INTS9: variants seen among roughly 807,000 people sequenced by gnomAD.
The protein encoded by INTS9 is integrator complex subunit 9, also known as protein related to CPSF subunits of 74 kDa.
In INTS9, 55 loss-of-function variants were observed where a neutral mutation model predicts 79.7. The ratio of observed to expected loss-of-function variants is 0.69; its 90% CI spans 0.56 to 0.86. INTS9 has a LOEUF of 0.86. Ranked by LOEUF, INTS9 falls within the 40% of genes least tolerant of loss-of-function variation. The probability of loss-of-function intolerance (pLI) is 0.00; values close to 1 mark genes in which losing one functional copy is unlikely to be tolerated. For synonymous variants in INTS9, 319 were observed against 325.2 expected (o/e 0.98, Z 0.20); for missense variants, 721 against 831.5 (o/e 0.87, Z 1.64).
intron 6 of INTS9, among the ~76,000 whole-genome samples, chr8:28,829,017 C>T (rs1806319717): frequency 6.6e-6 from 1 of 152,214 alleles, no homozygotes; most frequent in Non-Finnish European, 1.5e-5. Context: ...GGTATGAAGC[C>T]ACATTTTAAG....
At chr8:28,816,827 C>T (rs1456450230) in intron 6 of INTS9, among the ~76,000 whole-genome samples, 1 of 151,854 alleles carries the variant, frequency 6.6e-6, no homozygotes, top group Admixed American at 6.6e-5. Flanking sequence ...TGTTTCCTGA[C>T]TTTTTAATGA....
chr8:28,880,501 T>A (rs950435309), intron 1 of INTS9, among the ~76,000 whole-genome samples: 16 of 151,878 alleles, frequency 1.1e-4, no homozygotes, highest in South Asian at 2.1e-4. Context: ...CCGCGAGTGA[T>A]CCGCCAGCCT....
intron 8 of INTS9, among the ~76,000 whole-genome samples, chr8:28,804,861 TGAA>T (rs1242900776): frequency 3.9e-5 from 6 of 152,130 alleles, no homozygotes; most frequent in Non-Finnish European, 8.8e-5. Context: ...GTTGTGGAAA[TGAA>T]GAGTTCAATA....
intron 11 of INTS9, among the ~76,000 whole-genome samples, chr8:28,785,514 T>G (rs1010674997): frequency 1.3e-5 from 2 of 152,218 alleles, no homozygotes; most frequent in African/African-American, 4.8e-5. Context: ...TATTCATTAC[T>G]AGCATTATTT....
At chr8:28,877,554 A>G (rs971480809) in intron 1 of INTS9, among the ~76,000 whole-genome samples, 1 of 152,170 alleles carries the variant, frequency 6.6e-6, no homozygotes, top group Non-Finnish European at 1.5e-5. Flanking sequence ...ACCAGTAGAA[A>G]TGTATGCTAC....
At chr8:28,778,360 A>G (rs1277705729) in intron 12 of INTS9, among the ~76,000 whole-genome samples, 1 of 152,258 alleles carries the variant, frequency 6.6e-6, no homozygotes, top group Non-Finnish European at 1.5e-5. Flanking sequence ...GGAGAACAGA[A>G]TATGTATATA....
chr8:28,810,631 T>A (rs1350011933), intron 8 of INTS9, among the ~76,000 whole-genome samples: 1 of 152,066 alleles, frequency 6.6e-6, no homozygotes, highest in Non-Finnish European at 1.5e-5. Flanking sequence ...CGTAAATAGA[T>A]GTAGATAAAC....
intron 4 of INTS9, among the ~76,000 whole-genome samples, chr8:28,842,613 T>C (rs1472601759): frequency 6.6e-6 from 1 of 152,178 alleles, no homozygotes; most frequent in African/African-American, 2.4e-5. Flanking sequence ...TCTGGTGTGT[T>C]AATAGGCTCC....
In INTS9 at chr8:28,775,896, T is replaced by C; in HGVS notation, c.1426A>G (p.Thr476Ala). Residue 476 changes from threonine to alanine, a missense_variant, in exon 14 of 17, where the codon ACT becomes GCT. By Grantham distance (58) the Thr-to-Ala change is moderately conservative. Transcript: ENST00000521022. Reference protein sequence around the residue: ...PLHVVCPEQYTQPPPAQSHRM... With the variant: ...PLHVVCPEQYAQPPPAQSHRM... ...TGGGACTGGGCTGGGGGCGGCTGAG[T>C]GTACTGCTCAGGACACACCACGTGC... 7 of 1,603,520 alleles carry C rather than the reference T, an allele frequency of 4.4e-6. No individual in the cohort carries two copies. The highest frequency in any genetic ancestry group is 6.0e-6 in the Non-Finnish European group (7 of 1,174,868).
chr8:28,834,172 C>T (rs555612238), intron 6 of INTS9, among the ~76,000 whole-genome samples: 1 of 152,320 alleles, frequency 6.6e-6, no homozygotes, highest in Non-Finnish European at 1.5e-5. Flanking sequence ...TGAAGTTAGA[C>T]TTCAGCTTCA....
chr8:28,823,301 G>T (rs2131111971), intron 6 of INTS9, among the ~76,000 whole-genome samples: 1 of 152,286 alleles, frequency 6.6e-6, no homozygotes, highest in East Asian at 1.9e-4. Flanking sequence ...TATGGAAGAT[G>T]TCCTCCATAT....
intron 3 of INTS9, among the ~76,000 whole-genome samples, chr8:28,848,629 G>T (rs1186935854): frequency 6.6e-6 from 1 of 152,168 alleles, no homozygotes; most frequent in Non-Finnish European, 1.5e-5. Flanking sequence ...GGTTAAAAAT[G>T]ATTAAAGACA....
At chr8:28,867,021 T>A (rs1808791397) in intron 1 of INTS9, among the ~76,000 whole-genome samples, 1 of 151,904 alleles carries the variant, frequency 6.6e-6, no homozygotes, top group Admixed American at 6.6e-5. Context: ...GCGTGGTGGC[T>A]CATGCCTGTA....
chr8:28,787,120 T>C (rs1368575274), intron 11 of INTS9, among the ~76,000 whole-genome samples: 1 of 152,122 alleles, frequency 6.6e-6, no homozygotes, highest in Non-Finnish European at 1.5e-5. Context: ...TTCATTGTAG[T>C]AGAGCAATAA....
intron 13 of INTS9, among the ~76,000 whole-genome samples, chr8:28,777,621 C>T (rs1185381016): frequency 6.7e-6 from 1 of 150,292 alleles, no homozygotes; most frequent in Non-Finnish European, 1.5e-5. Context: ...CATCTGATTT[C>T]TTTAGAATGG....
At chr8:28,804,478 TGAG>T (rs1301516860) in intron 8 of INTS9, among the ~76,000 whole-genome samples, 2 of 142,820 alleles carry the variant, frequency 1.4e-5, no homozygotes, top group Non-Finnish European at 3.1e-5. Flanking sequence ...CCCCCCTGCA[TGAG>T]GAAGGAAATG....
intron 14 of INTS9, among the ~76,000 whole-genome samples, chr8:28,772,512 CAA>C (rs750780861): frequency 1.3e-4 from 19 of 151,084 alleles, no homozygotes; most frequent in Non-Finnish European, 2.7e-4. Context: ...GACTCCGTCT[CAA>C]AAAAAGACAT....
intron 11 of INTS9, among the ~76,000 whole-genome samples, chr8:28,787,300 A>T (rs961310840): frequency 6.6e-6 from 1 of 152,238 alleles, no homozygotes; most frequent in Non-Finnish European, 1.5e-5. Flanking sequence ...ATGTACATAT[A>T]TGACTGACAT....
chr8:28,823,253 C>G (rs189657365), intron 6 of INTS9, among the ~76,000 whole-genome samples: 5 of 152,282 alleles, frequency 3.3e-5, no homozygotes, highest in Non-Finnish European at 1.5e-5. Context: ...AGCTCTCTGC[C>G]CTCCTCTTTT....
Sources: allele counts gnomAD v4.1 joint callset (sites outside exome capture counted in the v4.1 genomes callset), GRCh38; gene constraint gnomAD v4.1.1; transcripts MANE v1.5; gene names NCBI Gene and HGNC (gene_info 2026-07-23, HGNC 2026-07-21).